The following HOXA3 variants were observed in gnomAD, a reference collection of about 807,000 sequenced individuals.
HOXA3 encodes the protein homeobox A3, also known as homeobox protein Hox-A3.
A neutral mutation model predicts 30.3 loss-of-function variants in HOXA3; 8 were observed. That is an observed-to-expected ratio of 0.26 (90% CI 0.15 to 0.48). The LOEUF (loss-of-function observed/expected upper bound fraction) is 0.48. HOXA3 is among the 20% of genes least tolerant of loss of function. HOXA3 has a pLI of 0.99. For synonymous variants in HOXA3, 323 were observed against 273.1 expected (o/e 1.18, Z -1.80); for missense variants, 653 against 614.4 (o/e 1.06, Z -0.66).
chr7:27,149,597 G>A (rs965375615), intron 1 of HOXA3, among the ~76,000 whole-genome samples: 16 of 152,242 alleles, frequency 1.1e-4, no homozygotes, highest in African/African-American at 3.6e-4. Flanking sequence ...CCTGGAAGCC[G>A]GATGCCTGTT....
intron 3 of HOXA3, chr7:27,123,772 A>T (rs17437258): frequency 0.048 from 7,379 of 152,438 alleles, 259 homozygotes; most frequent in African/African-American, 0.094. Context: ...GGAGCCCCCT[A>T]GCACGTGGAA....
chr7:27,142,806 C>A, intron 1 of HOXA3: 1 of 456,940 alleles, frequency 2.2e-6, no homozygotes, highest in Non-Finnish European at 3.8e-6. Flanking sequence ...TTGCTTCCTC[C>A]CCCTTCCAAC....
chr7:27,141,386 A>G (rs528578706), intron 1 of HOXA3: 1 of 163,178 alleles, frequency 6.1e-6, no homozygotes, highest in African/African-American at 2.4e-5. Flanking sequence ...CACAAGGAAT[A>G]TAGGTAGTTT....
At position 27,143,431 on chromosome 7, in the gene HOXA3, C is replaced by G. The variant is rs374569929; in HGVS notation, c.-493-3245G>C. The G allele has an allele frequency of 1.6e-5, 25 of 1,612,844 alleles. No individual in the cohort carries two copies. In the East Asian group the frequency reaches 5.1e-4, roughly 33 times the overall value. ...CTCCGGAGCCAAAGTGGCCGGAGCC[C>G]GAGCGGCCGACGCTGAGATCCATGC... On this transcript the variant is annotated intron_variant, in intron 1 of 5. Transcript: ENST00000612286.
chr7:27,130,865 A>G lies in HOXA3; in HGVS notation c.-389-3795T>C, dbSNP rs1785529147. The G allele has an allele frequency of 8.2e-6, 7 of 852,914 alleles. No individual in the cohort carries two copies. In the East Asian group the frequency reaches 2.0e-4, roughly 25 times the overall value. 52.8% of individuals were successfully genotyped at this position (852,914 alleles called of 1,614,324 possible). ...CGCCCTTCCCCTCCCCCCGCTGTCAAGTGCCCACTCCTCCCCCTCCCGCAG... is the reference window on the plus strand; with the variant it reads ...CGCCCTTCCCCTCCCCCCGCTGTCAGGTGCCCACTCCTCCCCCTCCCGCAG... On this transcript the variant is annotated intron_variant, in intron 2 of 5. Coordinates refer to ENST00000612286, the MANE Select transcript of HOXA3 (RefSeq NM_153631.3).
intron 1 of HOXA3, chr7:27,145,332 C>T: frequency 2.8e-6 from 1 of 357,638 alleles, no homozygotes; most frequent in Non-Finnish European, 5.1e-6. Flanking sequence ...ACAGGAGCCC[C>T]AGACGCATTC....
At position 27,108,363 on chromosome 7, in the gene HOXA3, G is replaced by T; in HGVS notation, c.884C>A (p.Pro295Gln). The change falls in exon 6 of 6, where the codon CCG becomes CAG. Residue 295 changes from proline (P) to glutamine (Q), a missense_variant. This residue lies in a region of HOXA3 where 330 missense variants were observed against 274.4 expected (regional missense o/e 1.20). Coordinates refer to ENST00000612286, the MANE Select transcript of HOXA3 (RefSeq NM_153631.3). This position sits in a 1 kb window ranked among gnomAD's most constrained non-coding sequence, Gnocchi z 5.0. ...ACCCTGGGGGGGCTTGGAGAAGGGC[G>T]GGGGCGACTGGGGCTCATACGGGAC... ...NSVPYEPQSPPPFSKPPQGTY... is the reference protein window; with the variant it reads ...NSVPYEPQSPQPFSKPPQGTY... 1 of 1,546,314 alleles carries T rather than the reference G, an allele frequency of 6.5e-7. No individual in the cohort carries two copies. The highest frequency in any genetic ancestry group is 8.8e-7 in the Non-Finnish European group (1 of 1,136,554).
At chr7:27,125,514 A>T (rs997448921) in intron 3 of HOXA3, among the ~76,000 whole-genome samples, 1 of 152,266 alleles carries the variant, frequency 6.6e-6, no homozygotes, top group African/African-American at 2.4e-5. Flanking sequence ...TCAAGGGAAC[A>T]GAACACACGT....
intron 2 of HOXA3, chr7:27,130,129 T>A: frequency 6.2e-7 from 1 of 1,601,934 alleles, no homozygotes. Context: ...GGCGCTGACA[T>A]GGATCTTCTT....
intron 1 of HOXA3, among the ~76,000 whole-genome samples, chr7:27,147,962 AGCCCCCAGCCCGCCC>A (rs1219523226): frequency 6.6e-6 from 1 of 152,234 alleles, no homozygotes; most frequent in Non-Finnish European, 1.5e-5. Context: ...AGTTACAAAC[AGCCCCCAGCCCGCCC>A]GCCCGCCGCC....
intron 1 of HOXA3, chr7:27,150,773 T>C (rs1036415065): frequency 2.6e-5 from 4 of 152,428 alleles, no homozygotes; most frequent in Admixed American, 6.5e-5. Context: ...AGGACCCGAG[T>C]CTATAACGGC....
chr7:27,137,214 G>A (rs1785741667), intron 2 of HOXA3, among the ~76,000 whole-genome samples: 1 of 152,168 alleles, frequency 6.6e-6, no homozygotes, highest in Admixed American at 6.5e-5. Flanking sequence ...GGGAAATTCT[G>A]TCTTGCTCTC....
intron 2 of HOXA3, chr7:27,130,838 T>G (rs1279361769): frequency 1.8e-6 from 2 of 1,134,178 alleles, no homozygotes; most frequent in Non-Finnish European, 2.5e-6. Context: ...CCCTTTCCTC[T>G]GCGCCCTTCC....
chr7:27,130,317 C>T (rs1190558761), intron 2 of HOXA3: 1 of 1,089,806 alleles, frequency 9.2e-7, no homozygotes, highest in Non-Finnish European at 1.1e-6. Flanking sequence ...GCGGCGGCAG[C>T]TGGGGCTGCA....
In HOXA3 at chr7:27,110,678, G is replaced by T; in HGVS notation, c.-38C>A. 1 of 1,589,796 alleles carries T rather than the reference G, an allele frequency of 6.3e-7. No homozygotes were observed. The highest frequency in any genetic ancestry group is 1.1e-5 in the South Asian group (1 of 90,650). ...CGATCTTGATCGCACACTCTGACAG[G>T]GGTTTGACACCCGTGAGGGCGCACA... On this transcript the variant is annotated 5_prime_UTR_variant, in exon 5 of 6. Coordinates refer to ENST00000612286, the MANE Select transcript of HOXA3 (RefSeq NM_153631.3).
intron 4 of HOXA3, among the ~76,000 whole-genome samples, chr7:27,112,530 G>A (rs1380187886): frequency 1.3e-5 from 2 of 152,190 alleles, no homozygotes; most frequent in African/African-American, 4.8e-5. Context: ...ATGAGCCCTG[G>A]AGCATTGTTT....
chr7:27,116,783 C>T (rs1174908141), intron 4 of HOXA3: 1 of 152,148 alleles, frequency 6.6e-6, no homozygotes, highest in African/African-American at 2.4e-5. Context: ...AGTAATTGAA[C>T]AGCAATTAAA....
At chr7:27,141,571 C>A (rs1782570682) in intron 1 of HOXA3, 1 of 317,050 alleles carries the variant, frequency 3.2e-6, no homozygotes, top group Non-Finnish European at 5.8e-6. Flanking sequence ...CTTCAAGTAA[C>A]ACAGCTTGCT....
intron 3 of HOXA3, chr7:27,124,340 GC>G (rs1747098700): frequency 6.6e-6 from 1 of 152,224 alleles, no homozygotes; most frequent in Non-Finnish European, 1.5e-5. Flanking sequence ...GCCTTCCCCA[GC>G]GTGAATCAGA....
Sources: allele counts gnomAD v4.1 joint callset (sites outside exome capture counted in the v4.1 genomes callset), GRCh38; gene constraint gnomAD v4.1.1; regional missense constraint gnomAD v4.1.1; non-coding constraint Gnocchi (gnomAD v3.1); transcripts MANE v1.5; gene names NCBI Gene and HGNC (gene_info 2026-07-23, HGNC 2026-07-21).